Variants in CSMD2 observed in about 807,000 individuals in gnomAD.
The protein encoded by CSMD2 is CUB and sushi domain-containing protein 2.
In CSMD2, 130 loss-of-function variants were observed where a neutral mutation model predicts 398.5. That is an observed-to-expected ratio of 0.33 (90% confidence interval 0.28 to 0.38). The LOEUF is 0.38. Ranked by LOEUF, CSMD2 falls within the 10% of genes least tolerant of loss-of-function variation. The probability of loss-of-function intolerance (pLI) is 1.00; values close to 1 mark genes in which losing one functional copy is unlikely to be tolerated. For missense variants in CSMD2, 3,829 were observed against 4,764.9 expected (o/e 0.80, Z 5.78); for synonymous variants, 1,828 against 1,908.5 (o/e 0.96, Z 1.10).
At chr1:33,835,584 A>G (rs1465491004) in intron 6 of CSMD2, among the ~76,000 whole-genome samples, 2 of 129,290 alleles carry the variant, frequency 1.5e-5, no homozygotes, top group African/African-American at 3.2e-5. Context: ...GCACACCAGC[A>G]TGGCACATGT....
intron 10 of CSMD2, among the ~76,000 whole-genome samples, chr1:33,806,221 G>A (rs1222965889): frequency 2.0e-5 from 3 of 152,202 alleles, no homozygotes; most frequent in Non-Finnish European, 4.4e-5. Flanking sequence ...CCCTCTGGGA[G>A]GATCTGGAGG....
intron 15 of CSMD2, among the ~76,000 whole-genome samples, chr1:33,735,956 T>C (rs934721965): frequency 3.9e-5 from 6 of 152,154 alleles, no homozygotes; most frequent in African/African-American, 1.4e-4. Flanking sequence ...GCCAGCTCTG[T>C]CTAAGGTTTT....
At chr1:33,894,629 A>T (rs1884984) in intron 5 of CSMD2, among the ~76,000 whole-genome samples, 124,175 of 152,104 alleles carry the variant, frequency 0.82, 51,452 homozygotes, top group African/African-American at 0.95. Context: ...TATTAGCTAC[A>T]GTCTCTTCCC....
intron 25 of CSMD2, among the ~76,000 whole-genome samples, chr1:33,672,268 C>T (rs1021647431): frequency 1.3e-5 from 2 of 152,214 alleles, no homozygotes; most frequent in African/African-American, 2.4e-5. Flanking sequence ...GTCACTCCCA[C>T]CCTAATACTG....
Position 33,633,349 on chromosome 1 carries a change from G to A in CSMD2, c.5200+73C>T. On this transcript the variant is annotated intron_variant, in intron 32 of 70. Coordinates refer to ENST00000373381, the MANE Select transcript of CSMD2 (RefSeq NM_001281956.2). The surrounding 1 kb of genome is among the most constrained non-coding windows in gnomAD (Gnocchi z 5.0). ...CACCTGCGGCCATGGGGTGCTTCTAGAGCCTCCTTCCTTTAGCCGGACGTG... is the reference window on the plus strand; with the variant it reads ...CACCTGCGGCCATGGGGTGCTTCTAAAGCCTCCTTCCTTTAGCCGGACGTG... The A allele has an allele frequency of 8.6e-7, 1 of 1,158,182 alleles. No homozygotes were observed. The highest frequency in any genetic ancestry group is 1.3e-6 in the Non-Finnish European group (1 of 791,402). 71.7% of individuals were successfully genotyped at this position (1,158,182 alleles called of 1,614,324 possible).
At chr1:33,943,932 AC>A (rs2125348999) in intron 3 of CSMD2, among the ~76,000 whole-genome samples, 1 of 115,822 alleles carries the variant, frequency 8.6e-6, no homozygotes, top group South Asian at 2.6e-4. Context: ...AATTACACAC[AC>A]ACACACACAC....
chr1:34,073,758 C>T (rs1038990071), intron 2 of CSMD2, among the ~76,000 whole-genome samples: 2 of 152,100 alleles, frequency 1.3e-5, no homozygotes, highest in South Asian at 4.2e-4. Flanking sequence ...GACCCCTGGC[C>T]CACCCCTCTT....
intron 12 of CSMD2, among the ~76,000 whole-genome samples, chr1:33,787,468 C>T (rs1174092961): frequency 6.6e-6 from 1 of 152,176 alleles, no homozygotes; most frequent in Non-Finnish European, 1.5e-5. Flanking sequence ...GGACTTTAGG[C>T]TCACTTTTGT....
chr1:33,864,657 G>A (rs868581855), intron 5 of CSMD2: 1 of 1,613,856 alleles, frequency 6.2e-7, no homozygotes, highest in Non-Finnish European at 8.5e-7. Flanking sequence ...GTACTTCGAG[G>A]AACTTGAACT....
chr1:33,922,116 C>T (rs891883188), intron 4 of CSMD2, among the ~76,000 whole-genome samples: 3 of 152,262 alleles, frequency 2.0e-5, no homozygotes, highest in Middle Eastern at 3.4e-3. Context: ...CTCTTCCCCA[C>T]TCCCATGCTG....
intron 1 of CSMD2, among the ~76,000 whole-genome samples, chr1:34,098,469 A>T (rs1235785101): frequency 6.6e-6 from 1 of 151,620 alleles, no homozygotes; most frequent in Non-Finnish European, 1.5e-5. Context: ...AGAAAAATAG[A>T]TTGTCACAAT....
At chr1:33,969,087 G>A (rs1645662761) in intron 3 of CSMD2, among the ~76,000 whole-genome samples, 2 of 152,080 alleles carry the variant, frequency 1.3e-5, no homozygotes, top group South Asian at 4.1e-4. Flanking sequence ...GAAACGGTGG[G>A]AGTCAGTGAG....
intron 5 of CSMD2, chr1:33,862,352 T>TGTGTGTGTGC (rs1639591719): frequency 1.7e-5 from 2 of 118,392 alleles, no homozygotes; most frequent in South Asian, 4.7e-4. Context: ...TCTGTGTGTG[T>TGTGTGTGTGC]GTGTGTGTGT....
chr1:33,986,266 C>A (rs1486692414), intron 3 of CSMD2, among the ~76,000 whole-genome samples: 1 of 152,224 alleles, frequency 6.6e-6, no homozygotes, highest in Non-Finnish European at 1.5e-5. Context: ...TACCTCTACT[C>A]TCTCAATCCA....
rs71767187 is a variant in CSMD2 at position 33,887,246 on chromosome 1, G to GAAA, written c.920+30845_920+30847dup. 9.1e-4 allele frequency among the ~76,000 whole-genome samples: 136 copies of GAAA among 149,050 alleles called. 1 individual carries two copies. The highest frequency in any genetic ancestry group is 7.0e-3 in the Middle Eastern group (2 of 284). On this transcript the variant is annotated intron_variant, in intron 5 of 70. Transcript: ENST00000373381. ...TCCTAAAGAAATAATCATAAATTCA[G>GAAA]AAAAAAAAAAGCTTTGCACACAAAA...
chr1:34,029,024 C>T (rs745825587), intron 3 of CSMD2, among the ~76,000 whole-genome samples: 3 of 152,210 alleles, frequency 2.0e-5, no homozygotes, highest in African/African-American at 4.8e-5. Context: ...GGATCAAACT[C>T]GCTTTGATAG....
At chr1:33,945,314 T>C (rs1431038291) in intron 3 of CSMD2, among the ~76,000 whole-genome samples, 2 of 152,220 alleles carry the variant, frequency 1.3e-5, no homozygotes, top group African/African-American at 4.8e-5. Flanking sequence ...AAAAAGACTT[T>C]GTTATTTGAA....
intron 68 of CSMD2, 107 bp from the exon 69 acceptor site, chr1:33,520,057 G>GTGC: frequency 7.4e-7 from 1 of 1,352,846 alleles, no homozygotes; most frequent in Non-Finnish European, 1.0e-6. Context: ...GCCACTCAGG[G>GTGC]TGCTCCTCAC....
At chr1:33,755,255 C>T (rs1426759084) in intron 13 of CSMD2, among the ~76,000 whole-genome samples, 1 of 152,146 alleles carries the variant, frequency 6.6e-6, no homozygotes, top group African/African-American at 2.4e-5. Context: ...ATTTCTTTCA[C>T]CTCTTTCTGC....
Sources: allele counts gnomAD v4.1 joint callset (sites outside exome capture counted in the v4.1 genomes callset), GRCh38; gene constraint gnomAD v4.1.1; non-coding constraint Gnocchi (gnomAD v3.1); transcripts MANE v1.5; gene names NCBI Gene and HGNC (gene_info 2026-07-23, HGNC 2026-07-21).